Variants in FGF14 observed in about 807,000 individuals in gnomAD.
FGF14 encodes the protein fibroblast growth factor 14.
FGF14 carries 5 observed loss-of-function variants against 25.5 expected under a neutral mutation model. The ratio of observed to expected loss-of-function variants is 0.20; its 90% CI spans 0.10 to 0.41. The LOEUF is 0.41. Ranked by LOEUF, FGF14 falls within the 10% of genes least tolerant of loss-of-function variation. FGF14 has a pLI of 1.00. For missense variants in FGF14, 222 were observed against 320.1 expected, an observed-to-expected ratio of 0.69 and a Z score of 2.34; for synonymous variants, 138 against 118.3, an observed-to-expected ratio of 1.17 and a Z score of -1.08.
intron 1 of FGF14, among the ~76,000 whole-genome samples, chr13:102,180,264 T>G (rs761046986): frequency 2.0e-5 from 3 of 152,188 alleles, no homozygotes; most frequent in African/African-American, 7.2e-5. Flanking sequence ...GCTATAATTC[T>G]GCTCAAATAT....
In FGF14 at chr13:101,797,774, T is replaced by TGTGTGTGTGC. The variant is rs1566914293; in HGVS notation, c.408+70950_408+70951insGCACACACAC. Among the ~76,000 whole-genome samples the TGTGTGTGTGC allele has an allele frequency of 1.9e-3, 283 of 147,428 alleles. 3 individuals carry two copies. The highest frequency in any genetic ancestry group is 6.8e-3 in the African/African-American group (269 of 39,376). On this transcript the variant is annotated intron_variant, in intron 3 of 4. Coordinates refer to ENST00000376143, the MANE Select transcript of FGF14 (RefSeq NM_004115.4). ...GTGTGTGTGTGTGTGTGTGTGTGTGTGTGTGTGTTCAACCTCAGTAGAAAC... is the reference window on the plus strand; with the variant it reads ...GTGTGTGTGTGTGTGTGTGTGTGTGTGTGTGTGTGCGTGTGTGTTCAACCTCAGTAGAAAC...
rs116533932 is a variant in FGF14, at chr13:101,928,194, A to C, written c.209-52898T>G. Among the ~76,000 whole-genome samples the C allele has an allele frequency of 5.6e-3, 856 of 152,298 alleles. 7 individuals carry two copies. Among genetic ancestry groups the C allele is most frequent in the African/African-American group, 0.019 (774 of 41,578 alleles). On this transcript the variant is annotated intron_variant, in intron 1 of 4. Transcript: ENST00000376131. Reference sequence around the variant, plus strand: ...GAGATTTTCCTAACATTTTAATAAAAGGGAATGGCATATGCAAAGGAAAAG... The same window carrying C: ...GAGATTTTCCTAACATTTTAATAAACGGGAATGGCATATGCAAAGGAAAAG...
At chr13:101,843,255 T>C (rs922744190) in intron 3 of FGF14, among the ~76,000 whole-genome samples, 4 of 152,076 alleles carry the variant, frequency 2.6e-5, no homozygotes, top group African/African-American at 9.7e-5. Flanking sequence ...AATCAACCCC[T>C]GCCCCTACCT....
At chr13:102,008,672 G>C (rs2039929800) in intron 1 of FGF14, among the ~76,000 whole-genome samples, 1 of 151,800 alleles carries the variant, frequency 6.6e-6, no homozygotes, top group Admixed American at 6.6e-5. Context: ...TTGCTCTCTT[G>C]AACTACAAAA....
chr13:101,925,771 A>T (rs1329531655), intron 1 of FGF14, among the ~76,000 whole-genome samples: 1 of 152,216 alleles, frequency 6.6e-6, no homozygotes, highest in Non-Finnish European at 1.5e-5. Flanking sequence ...AGTTGCTTTT[A>T]AAAATACACA....
intron 1 of FGF14, chr13:102,394,555 GGGTCAGA>G (rs1483330683): frequency 6.6e-6 from 1 of 152,238 alleles, no homozygotes; most frequent in Non-Finnish European, 1.5e-5. Context: ...AGACGCCCTA[GGGTCAGA>G]GGTCATCTCC....
At chr13:102,123,690 A>C (rs1307409284) in intron 1 of FGF14, among the ~76,000 whole-genome samples, 1 of 152,136 alleles carries the variant, frequency 6.6e-6, no homozygotes, top group African/African-American at 2.4e-5. Flanking sequence ...TATTAGAGAT[A>C]GCGGATATCA....
chr13:102,349,213 G>A (rs541918159), intron 1 of FGF14, among the ~76,000 whole-genome samples: 42 of 152,232 alleles, frequency 2.8e-4, no homozygotes, highest in African/African-American at 7.5e-4. Context: ...CAGTTGCCCC[G>A]GAAACTACAT....
At chr13:102,045,127 A>C (rs1282826508) in intron 1 of FGF14, among the ~76,000 whole-genome samples, 1 of 152,166 alleles carries the variant, frequency 6.6e-6, no homozygotes, top group Non-Finnish European at 1.5e-5. Flanking sequence ...TGTAGTTAAA[A>C]TATACATTAT....
chr13:102,163,837 C>A (rs551052751), intron 1 of FGF14, among the ~76,000 whole-genome samples: 7 of 152,104 alleles, frequency 4.6e-5, no homozygotes, highest in South Asian at 2.1e-4. Context: ...GACTTGCCCC[C>A]CCCAGAAAAC....
chr13:101,859,372 T>C (rs2044291024), intron 3 of FGF14, among the ~76,000 whole-genome samples: 1 of 152,150 alleles, frequency 6.6e-6, no homozygotes, highest in African/African-American at 2.4e-5. Context: ...ATGGTTAACT[T>C]AACTGTTGTC....
chr13:102,216,675 T>C (rs2050385893), intron 1 of FGF14, among the ~76,000 whole-genome samples: 1 of 152,102 alleles, frequency 6.6e-6, no homozygotes, highest in Admixed American at 6.6e-5. Context: ...CTAAAACCTT[T>C]CCGATAGCTA....
chr13:101,839,586 TG>T (rs2043102830), intron 3 of FGF14, among the ~76,000 whole-genome samples: 1 of 152,018 alleles, frequency 6.6e-6, no homozygotes, highest in Admixed American at 6.6e-5. Context: ...GTACAGGAGA[TG>T]TTTTGATACA....
chr13:102,170,055 C>T (rs1031998837), intron 1 of FGF14, among the ~76,000 whole-genome samples: 1 of 152,100 alleles, frequency 6.6e-6, no homozygotes, highest in African/African-American at 2.4e-5. Context: ...AGGAAAGGGG[C>T]AAAGTCCTTG....
At chr13:101,898,377 T>C (rs866870581) in intron 1 of FGF14, among the ~76,000 whole-genome samples, 1,517 of 74,222 alleles carry the variant, frequency 0.02, 19 homozygotes, top group African/African-American at 0.081. Flanking sequence ...CACACACACA[T>C]ATCCCCAGAA....
rs1368918141 is a variant in FGF14, at chr13:102,007,812, GATAAT to G, written c.209-132521_209-132517del. Among the ~76,000 whole-genome samples the G allele has an allele frequency of 5.9e-5, 9 of 152,302 alleles. 1 individual carries two copies. The highest frequency in any genetic ancestry group is 9.6e-5 in the African/African-American group (4 of 41,562). On this transcript the variant is annotated intron_variant, in intron 1 of 4. Transcript: ENST00000376131. Reference sequence around the variant, plus strand: ...ATGGTTCTCCCGGGGATGTCTTTTAGATAATATAATAATGAGAAAGCTATAATGAG... The same window carrying G: ...ATGGTTCTCCCGGGGATGTCTTTTAGATAATAATGAGAAAGCTATAATGAG...
chr13:102,001,038 G>T (rs1266499488), intron 1 of FGF14, among the ~76,000 whole-genome samples: 2 of 152,114 alleles, frequency 1.3e-5, no homozygotes, highest in Non-Finnish European at 2.9e-5. Context: ...TTGGGATGAA[G>T]AATAGAGTCA....
At chr13:102,068,883 A>T (rs1446834163) in intron 1 of FGF14, among the ~76,000 whole-genome samples, 1 of 152,198 alleles carries the variant, frequency 6.6e-6, no homozygotes, top group Non-Finnish European at 1.5e-5. Flanking sequence ...GCTGGCAGGC[A>T]GCTCCACCTG....
chr13:101,800,436 ATAT>A (rs1202133829), intron 3 of FGF14, among the ~76,000 whole-genome samples: 1 of 152,196 alleles, frequency 6.6e-6, no homozygotes, highest in African/African-American at 2.4e-5. Flanking sequence ...ATAACAGTGG[ATAT>A]TATAATAAAC....
Sources: gnomAD v4.1 joint callset for allele counts (sites outside exome capture counted in the v4.1 genomes callset) on GRCh38, gnomAD v4.1.1 for gene constraint, MANE v1.5 for transcripts, NCBI Gene and HGNC (gene_info 2026-07-23, HGNC 2026-07-21) for gene names.